The following GABRB3 variants were observed in gnomAD, a reference collection of about 807,000 sequenced individuals.
The protein encoded by GABRB3 is gamma-aminobutyric acid receptor subunit beta-3.
GABRB3 carries 14 observed loss-of-function variants against 52.1 expected under a neutral mutation model. That is an observed-to-expected ratio of 0.27 (90% CI 0.18 to 0.42). The LOEUF is 0.42. GABRB3 is among the 10% of genes least tolerant of loss of function. GABRB3 has a pLI of 1.00. For missense variants in GABRB3, 307 were observed against 609.1 expected (o/e 0.50, Z 5.22); for synonymous variants, 260 against 232.3 (o/e 1.12, Z -1.08).
At chr15:26,609,010 G>A (rs970657417) in intron 4 of GABRB3, among the ~76,000 whole-genome samples, 19 of 151,436 alleles carry the variant, frequency 1.3e-4, no homozygotes, top group African/African-American at 4.1e-4. Context: ...GTTCACTGAA[G>A]CACTATTAAC....
At chr15:26,635,529 T>A (rs1470819945) in intron 3 of GABRB3, among the ~76,000 whole-genome samples, 1 of 150,624 alleles carries the variant, frequency 6.6e-6, no homozygotes, top group African/African-American at 2.5e-5. Flanking sequence ...AAAAAAAAAA[T>A]GCTTAAACAG....
At chr15:26,583,447 G>A (rs775969565) in intron 4 of GABRB3, 33 bp from the exon 5 acceptor site, 12 of 1,555,342 alleles carry the variant, frequency 7.7e-6, no homozygotes, top group Non-Finnish European at 9.8e-6. Context: ...AGATATTAAA[G>A]AAGGGCTGAG....
At chr15:26,647,328 T>C (rs1887044586) in intron 3 of GABRB3, among the ~76,000 whole-genome samples, 1 of 152,254 alleles carries the variant, frequency 6.6e-6, no homozygotes, top group Admixed American at 6.5e-5. Flanking sequence ...TAACAGTATT[T>C]CAAAGAGCTG....
intron 3 of GABRB3, among the ~76,000 whole-genome samples, chr15:26,683,760 C>T (rs1369049944): frequency 6.6e-6 from 1 of 152,116 alleles, no homozygotes; most frequent in East Asian, 1.9e-4. Context: ...CTGTTAGCCA[C>T]TCTAAAACTA....
intron 3 of GABRB3, among the ~76,000 whole-genome samples, chr15:26,763,283 A>AGATATTTTTTCT (rs1890869965): frequency 1.3e-5 from 2 of 152,192 alleles, no homozygotes; most frequent in South Asian, 4.1e-4. Context: ...ACAAGTTCAC[A>AGATATTTTTTCT]GGGATCTTCA....
intron 3 of GABRB3, among the ~76,000 whole-genome samples, chr15:26,667,008 C>T (rs1177872390): frequency 7.2e-6 from 1 of 139,360 alleles, no homozygotes; most frequent in Non-Finnish European, 1.6e-5. Context: ...CTGGTGCCCA[C>T]CCCCGTGCAC....
At chr15:26,730,417 C>A (rs78715981) in intron 3 of GABRB3, among the ~76,000 whole-genome samples, 55 of 67,918 alleles carry the variant, frequency 8.1e-4, no homozygotes, top group African/African-American at 1.9e-3. Context: ...GACTCCGTCT[C>A]AAAAAAAAAA....
intron 3 of GABRB3, among the ~76,000 whole-genome samples, chr15:26,712,765 G>A (rs916279287): frequency 2.0e-5 from 3 of 152,208 alleles, no homozygotes; most frequent in Middle Eastern, 3.4e-3. Context: ...CGGCCACCTC[G>A]GGAAGGTGGG....
chr15:26,697,502 C>T (rs28661656), intron 3 of GABRB3, among the ~76,000 whole-genome samples: 3,624 of 152,144 alleles, frequency 0.024, 137 homozygotes, highest in African/African-American at 0.083. Context: ...CTCCTTCCCT[C>T]CACCCTGGCA....
intron 5 of GABRB3, among the ~76,000 whole-genome samples, chr15:26,582,659 A>G (rs1402269669): frequency 6.6e-6 from 1 of 152,200 alleles, no homozygotes; most frequent in Non-Finnish European, 1.5e-5. Context: ...AATTGTTTCA[A>G]GTGGGACTGC....
At chr15:26,629,683 AG>A (rs370157533) in intron 3 of GABRB3, among the ~76,000 whole-genome samples, 29 of 152,254 alleles carry the variant, frequency 1.9e-4, no homozygotes, top group African/African-American at 6.7e-4. Flanking sequence ...CAAACTCTTC[AG>A]CCCTGGTGCA....
At chr15:26,628,784 A>C (rs1892811091) in intron 3 of GABRB3, among the ~76,000 whole-genome samples, 1 of 152,170 alleles carries the variant, frequency 6.6e-6, no homozygotes, top group Non-Finnish European at 1.5e-5. Flanking sequence ...CATTCTACCT[A>C]GGTTGGTGAC....
At chr15:26,629,391 G>A (rs1368814782) in intron 3 of GABRB3, among the ~76,000 whole-genome samples, 1 of 152,242 alleles carries the variant, frequency 6.6e-6, no homozygotes, top group African/African-American at 2.4e-5. Context: ...GCCCTGGGAG[G>A]GTGGGCCTGA....
At chr15:26,608,773 T>G (rs75557785) in intron 4 of GABRB3, among the ~76,000 whole-genome samples, 1 of 152,100 alleles carries the variant, frequency 6.6e-6, no homozygotes, top group African/African-American at 2.4e-5. Context: ...CCTGTCAGAA[T>G]GACTAGTATC....
chr15:26,570,498 C>A (rs1442697784), intron 6 of GABRB3, among the ~76,000 whole-genome samples: 3 of 152,222 alleles, frequency 2.0e-5, no homozygotes, highest in Non-Finnish European at 4.4e-5. Flanking sequence ...CAGTCAAAAT[C>A]TTCTACGGCT....
intron 3 of GABRB3, among the ~76,000 whole-genome samples, chr15:26,744,392 G>A (rs1186796805): frequency 2.0e-5 from 3 of 151,580 alleles, no homozygotes; most frequent in Non-Finnish European, 4.4e-5. Context: ...AACTACAGTG[G>A]AAATCGTTTT....
intron 6 of GABRB3, 129 bp downstream of exon 6, chr15:26,580,190 T>A (rs1245611169): frequency 5.6e-6 from 6 of 1,076,414 alleles, no homozygotes; most frequent in Non-Finnish European, 8.5e-6. Flanking sequence ...GTGTGTGTGA[T>A]GTGTGAATGA....
chr15:26,627,489 TGTCA>T (rs1322663803), intron 3 of GABRB3, among the ~76,000 whole-genome samples: 4 of 151,364 alleles, frequency 2.6e-5, no homozygotes, highest in African/African-American at 9.7e-5. Context: ...TCATTCTAGA[TGTCA>T]GTAAGAACAT....
rs146516852 is a variant in GABRB3 at position 26,552,061 on chromosome 15, C to T, written c.1081-3927G>A. Among the ~76,000 whole-genome samples, 1,078 of 151,532 alleles carry T rather than the reference C, an allele frequency of 7.1e-3. 15 individuals carry two copies. Among genetic ancestry groups the T allele is most frequent in the African/African-American group, 0.025 (1,033 of 41,240 alleles). On this transcript the variant is annotated intron_variant, in intron 8 of 8. Coordinates refer to ENST00000311550, the MANE Select transcript of GABRB3 (RefSeq NM_000814.6). ...CACTCTTGTTGCCCAGGCAGGAGTG[C>T]AGTGGCACAATCTCAGCTCACCGCA...
Sources: gnomAD v4.1 joint callset for allele counts (sites outside exome capture counted in the v4.1 genomes callset) on GRCh38, gnomAD v4.1.1 for gene constraint, MANE v1.5 for transcripts, NCBI Gene and HGNC (gene_info 2026-07-23, HGNC 2026-07-21) for gene names.